Variants in DLG2 observed in about 807,000 individuals in gnomAD.
The protein encoded by DLG2 is disks large homolog 2.
Under a neutral mutation model 132.5 loss-of-function variants are expected in DLG2, and 45 were observed. The observed-to-expected ratio is 0.34, with a 90% CI of 0.27 to 0.44. DLG2 has a LOEUF of 0.44. DLG2 is among the 20% of genes least tolerant of loss of function. DLG2 has a pLI of 1.00. For synonymous variants in DLG2, 424 were observed against 419.6 expected (o/e 1.01, Z -0.13); for missense variants, 1,045 against 1,196.9 (o/e 0.87, Z 1.87).
At chr11:84,219,958 G>C (rs2096891194) in intron 8 of DLG2, among the ~76,000 whole-genome samples, 1 of 152,144 alleles carries the variant, frequency 6.6e-6, no homozygotes, top group African/African-American at 2.4e-5. Flanking sequence ...AAACAAAGAA[G>C]CAGCACAGGC....
At chr11:84,150,147 G>A (rs543555041) in intron 9 of DLG2, among the ~76,000 whole-genome samples, 2 of 152,262 alleles carry the variant, frequency 1.3e-5, no homozygotes, top group South Asian at 4.1e-4. Flanking sequence ...AACCACTCTG[G>A]TCAGTATGGC....
intron 6 of DLG2, chr11:84,923,585 T>C: frequency 1.0e-6 from 1 of 991,856 alleles, no homozygotes; most frequent in Non-Finnish European, 1.2e-6. Context: ...TCGCAGACTG[T>C]AAATGAAGAG....
chr11:84,837,597 A>C (rs1469239515), intron 6 of DLG2, among the ~76,000 whole-genome samples: 1 of 151,826 alleles, frequency 6.6e-6, no homozygotes, highest in Non-Finnish European at 1.5e-5. Context: ...AAATTCAACC[A>C]TTGTGTGATT....
chr11:84,704,864 C>T (rs2059615666), intron 6 of DLG2, among the ~76,000 whole-genome samples: 1 of 149,536 alleles, frequency 6.7e-6, no homozygotes, highest in African/African-American at 2.4e-5. Flanking sequence ...TATATATACA[C>T]ACACACACAC....
intron 19 of DLG2, among the ~76,000 whole-genome samples, chr11:83,566,388 G>A (rs1370175812): frequency 1.3e-5 from 2 of 151,968 alleles, no homozygotes; most frequent in Non-Finnish European, 2.9e-5. Flanking sequence ...ACACTGGACC[G>A]ACTAAGTCTT....
intron 6 of DLG2, among the ~76,000 whole-genome samples, chr11:84,938,985 A>T (rs1234369076): frequency 1.3e-5 from 2 of 152,212 alleles, no homozygotes; most frequent in Non-Finnish European, 2.9e-5. Flanking sequence ...TTGTAGACAA[A>T]CGGCTAAAAT....
At chr11:83,693,471 A>G (rs1314723780) in intron 18 of DLG2, among the ~76,000 whole-genome samples, 2 of 152,060 alleles carry the variant, frequency 1.3e-5, no homozygotes, top group African/African-American at 4.8e-5. Flanking sequence ...AGGGTGTGGG[A>G]ACGGCGAAGG....
intron 7 of DLG2, among the ~76,000 whole-genome samples, chr11:84,526,230 A>G (rs1471916086): frequency 6.6e-6 from 1 of 152,194 alleles, no homozygotes; most frequent in African/African-American, 2.4e-5. Context: ...TCCTTCAATA[A>G]GTTAATGGAT....
chr11:85,166,002 T>C (rs1245917799), intron 4 of DLG2, among the ~76,000 whole-genome samples: 3 of 152,162 alleles, frequency 2.0e-5, no homozygotes, highest in Non-Finnish European at 4.4e-5. Context: ...TCCTTTCAAA[T>C]TGTGGTCCCC....
At chr11:84,197,164 G>T (rs1325605189) in intron 8 of DLG2, among the ~76,000 whole-genome samples, 1 of 150,680 alleles carries the variant, frequency 6.6e-6, no homozygotes, top group East Asian at 1.9e-4. Context: ...TTTATACTAA[G>T]CTATGACCCA....
At chr11:84,850,409 A>C (rs532704968) in intron 6 of DLG2, among the ~76,000 whole-genome samples, 4 of 152,270 alleles carry the variant, frequency 2.6e-5, no homozygotes, top group Admixed American at 2.6e-4. Flanking sequence ...GATCTGAGCA[A>C]TAAATAAACT....
At chr11:84,989,731 G>T (rs2056883762) in intron 6 of DLG2, among the ~76,000 whole-genome samples, 1 of 152,170 alleles carries the variant, frequency 6.6e-6, no homozygotes, top group African/African-American at 2.4e-5. Flanking sequence ...TTACTACATA[G>T]CTAGAGTAAT....
intron 11 of DLG2, among the ~76,000 whole-genome samples, chr11:84,042,408 A>C (rs998735084): frequency 6.6e-6 from 1 of 151,686 alleles, no homozygotes; most frequent in Non-Finnish European, 1.5e-5. Context: ...ATTGCTCATT[A>C]ATTTTTCATT....
At chr11:84,984,389 T>C (rs2056196856) in intron 6 of DLG2, among the ~76,000 whole-genome samples, 1 of 152,168 alleles carries the variant, frequency 6.6e-6, no homozygotes, top group Non-Finnish European at 1.5e-5. Flanking sequence ...CTAAGTTTCA[T>C]AAATGAAGGA....
At chr11:83,842,710 G>C (rs923373888) in intron 16 of DLG2, among the ~76,000 whole-genome samples, 9 of 151,436 alleles carry the variant, frequency 5.9e-5, no homozygotes, top group Non-Finnish European at 1.2e-4. Flanking sequence ...CAGGTACTCG[G>C]GAGGCTGAGG....
intron 7 of DLG2, among the ~76,000 whole-genome samples, chr11:84,523,814 A>C (rs1173550100): frequency 6.6e-6 from 1 of 152,190 alleles, no homozygotes; most frequent in African/African-American, 2.4e-5. Context: ...ACATATAATC[A>C]CTATTAACAC....
chr11:85,457,019 G>T (rs1035142926), intron 3 of DLG2, among the ~76,000 whole-genome samples: 1 of 152,116 alleles, frequency 6.6e-6, no homozygotes, highest in Non-Finnish European at 1.5e-5. Flanking sequence ...GTCTAATACT[G>T]TCAGTGGGGT....
intron 3 of DLG2, among the ~76,000 whole-genome samples, chr11:85,420,722 T>G (rs184960384): frequency 2.0e-5 from 3 of 152,288 alleles, no homozygotes; most frequent in Non-Finnish European, 2.9e-5. Flanking sequence ...GACAGCTTTG[T>G]TTACACTGTG....
At chr11:85,191,162 G>GCGCGCACACACACA (rs34410192) in intron 4 of DLG2, among the ~76,000 whole-genome samples, 5 of 139,842 alleles carry the variant, frequency 3.6e-5, no homozygotes, top group African/African-American at 1.4e-4. Flanking sequence ...GCGCACGCGC[G>GCGCGCACACACACA]CACACACACA....
Sources: allele counts gnomAD v4.1 joint callset (sites outside exome capture counted in the v4.1 genomes callset), GRCh38; gene constraint gnomAD v4.1.1; transcripts MANE v1.5; gene names NCBI Gene and HGNC (gene_info 2026-07-23, HGNC 2026-07-21).